Variants in ATG5 observed in about 807,000 individuals in gnomAD.
The protein encoded by ATG5 is autophagy protein 5.
In ATG5, 14 loss-of-function variants were observed where a neutral mutation model predicts 36.5. The ratio of observed to expected loss-of-function variants is 0.38; its 90% CI spans 0.25 to 0.60. The LOEUF (loss-of-function observed/expected upper bound fraction) is 0.60, where lower values mean the gene tolerates loss of function less well. Ranked by LOEUF, ATG5 falls within the 20% of genes least tolerant of loss-of-function variation. The pLI, the probability that ATG5 is intolerant of heterozygous loss-of-function variation, is 0.60. For synonymous variants in ATG5, 95 were observed against 101.5 expected (o/e 0.94, Z 0.38); for missense variants, 195 against 326.7 (o/e 0.60, Z 3.11).
chr6:106,215,440 C>T (rs1373689287), intron 6 of ATG5, among the ~76,000 whole-genome samples: 1 of 152,018 alleles, frequency 6.6e-6, no homozygotes, highest in African/African-American at 2.4e-5. Flanking sequence ...GTTTCTAACA[C>T]AAATAATTTT....
At chr6:106,307,670 CG>C (rs1303572572) in intron 3 of ATG5, among the ~76,000 whole-genome samples, 1 of 151,710 alleles carries the variant, frequency 6.6e-6, no homozygotes, top group Admixed American at 6.6e-5. Context: ...CCAAATAGCC[CG>C]GATTACAGGC....
At chr6:106,228,789 A>G (rs942305932) in intron 6 of ATG5, among the ~76,000 whole-genome samples, 7 of 152,158 alleles carry the variant, frequency 4.6e-5, no homozygotes, top group African/African-American at 1.7e-4. Flanking sequence ...AACGATTAGC[A>G]TGGCCGCCAG....
intron 4 of ATG5, among the ~76,000 whole-genome samples, chr6:106,281,480 T>C (rs1201363117): frequency 2.0e-5 from 3 of 152,228 alleles, no homozygotes; most frequent in African/African-American, 7.2e-5. Flanking sequence ...TTTTTGAGAT[T>C]CATTCCTGTT....
chr6:106,240,664 G>A (rs1233947733), intron 6 of ATG5, among the ~76,000 whole-genome samples: 2 of 151,508 alleles, frequency 1.3e-5, no homozygotes, highest in Non-Finnish European at 2.9e-5. Flanking sequence ...AAGTAAGCTG[G>A]CAATTTTTTT....
chr6:106,212,085 T>A (rs1478935674), intron 6 of ATG5, among the ~76,000 whole-genome samples: 1 of 152,192 alleles, frequency 6.6e-6, no homozygotes. Flanking sequence ...ATCAAGAATA[T>A]AATTAGATTT....
At chr6:106,216,636 A>G (rs1436195700) in intron 6 of ATG5, among the ~76,000 whole-genome samples, 1 of 152,166 alleles carries the variant, frequency 6.6e-6, no homozygotes, top group Non-Finnish European at 1.5e-5. Context: ...GGTGATGAAA[A>G]TGTTCTGAAA....
chr6:106,252,233 G>A (rs760795969), intron 5 of ATG5, among the ~76,000 whole-genome samples: 10 of 151,924 alleles, frequency 6.6e-5, no homozygotes, highest in Non-Finnish European at 1.3e-4. Context: ...CTTCTCGCCA[G>A]AGCTACAAGC....
intron 6 of ATG5, among the ~76,000 whole-genome samples, chr6:106,208,457 C>T (rs1205661954): frequency 6.6e-6 from 1 of 151,970 alleles, no homozygotes; most frequent in African/African-American, 2.4e-5. Context: ...GTTTTATTTC[C>T]TTTTAATTTC....
At chr6:106,283,157 G>C (rs1254160819) in intron 4 of ATG5, among the ~76,000 whole-genome samples, 1 of 152,082 alleles carries the variant, frequency 6.6e-6, no homozygotes, top group Non-Finnish European at 1.5e-5. Flanking sequence ...CTCAGTCATG[G>C]TGTGTACCAT....
intron 5 of ATG5, among the ~76,000 whole-genome samples, chr6:106,274,491 A>G (rs1460953381): frequency 6.6e-6 from 1 of 152,230 alleles, no homozygotes; most frequent in African/African-American, 2.4e-5. Context: ...TAGCTGTTAT[A>G]ATCTACAAGT....
chr6:106,323,056 C>T (rs1157422655), intron 1 of ATG5, among the ~76,000 whole-genome samples: 1 of 151,986 alleles, frequency 6.6e-6, no homozygotes, highest in Non-Finnish European at 1.5e-5. Flanking sequence ...GTGGCTGGGA[C>T]TACAAGCGCT....
chr6:106,207,589 T>A (rs1776686661), intron 6 of ATG5, among the ~76,000 whole-genome samples: 1 of 151,992 alleles, frequency 6.6e-6, no homozygotes. Context: ...AGTCTCTATT[T>A]CAAATGTAGC....
chr6:106,297,193 A>G (rs1769989765), intron 3 of ATG5, among the ~76,000 whole-genome samples: 2 of 152,206 alleles, frequency 1.3e-5, no homozygotes, highest in Non-Finnish European at 2.9e-5. Flanking sequence ...ATGATATTTT[A>G]TGACAAAAAC....
At chr6:106,313,701 A>G (rs973869009) in intron 2 of ATG5, among the ~76,000 whole-genome samples, 1 of 152,234 alleles carries the variant, frequency 6.6e-6, no homozygotes, top group African/African-American at 2.4e-5. Context: ...AAAATGCAGA[A>G]AAGAGGAATA....
At chr6:106,315,859 G>C (rs746978531) in intron 2 of ATG5, among the ~76,000 whole-genome samples, 1 of 152,116 alleles carries the variant, frequency 6.6e-6, no homozygotes, top group Non-Finnish European at 1.5e-5. Context: ...CCACATACAT[G>C]TAAGGAAAAC....
intron 6 of ATG5, among the ~76,000 whole-genome samples, chr6:106,221,993 G>C (rs1777273075): frequency 6.6e-6 from 1 of 152,064 alleles, no homozygotes; most frequent in Non-Finnish European, 1.5e-5. Context: ...CCAGGTTCAA[G>C]CAATCCTTGT....
intron 6 of ATG5, among the ~76,000 whole-genome samples, chr6:106,215,560 C>A (rs561746021): frequency 1.4e-4 from 21 of 152,024 alleles, no homozygotes; most frequent in Non-Finnish European, 2.6e-4. Context: ...ACAGATTTCA[C>A]CACTTACGTA....
intron 4 of ATG5, among the ~76,000 whole-genome samples, chr6:106,292,187 C>T (rs1451702549): frequency 1.3e-5 from 2 of 152,156 alleles, no homozygotes; most frequent in East Asian, 3.9e-4. Context: ...GAAATCATTG[C>T]TATTTGAGAA....
intron 3 of ATG5, among the ~76,000 whole-genome samples, chr6:106,299,467 C>G (rs1770115848): frequency 6.6e-6 from 1 of 152,162 alleles, no homozygotes. Context: ...ACTGTATTTT[C>G]TGTGTAAATA....
Sources: allele counts gnomAD v4.1 joint callset (sites outside exome capture counted in the v4.1 genomes callset), GRCh38; gene constraint gnomAD v4.1.1; transcripts MANE v1.5; gene names NCBI Gene and HGNC (gene_info 2026-07-23, HGNC 2026-07-21).